CSF1R: variants seen among roughly 807,000 people sequenced by gnomAD.
CSF1R encodes the protein colony stimulating factor 1 receptor.
Under a neutral mutation model 110.0 loss-of-function variants are expected in CSF1R, and 40 were observed. The observed-to-expected ratio is 0.36, with a 90% confidence interval of 0.28 to 0.47. CSF1R has a LOEUF of 0.47. Ranked by LOEUF, CSF1R falls within the 20% of genes least tolerant of loss-of-function variation. The pLI, the probability that CSF1R is intolerant of heterozygous loss-of-function variation, is 0.99. For missense variants in CSF1R, 1,052 were observed against 1,253.0 expected (o/e 0.84, Z 2.42); for synonymous variants, 523 against 503.4 (o/e 1.04, Z -0.52).
At chr5:150,086,668 GA>G, upstream of CSF1R, 1 of 482,996 alleles carries the variant, frequency 2.1e-6, no homozygotes, top group Non-Finnish European at 3.7e-6. Flanking sequence ...ACAAAGCCTT[GA>G]ACCCAAGAGG....
chr5:150,098,020 A>G (rs2113859894), intron 1 of CSF1R, among the ~76,000 whole-genome samples: 1 of 152,342 alleles, frequency 6.6e-6, no homozygotes, highest in Middle Eastern at 3.4e-3. Context: ...GCTATAATAT[A>G]GTACTGGTGA....
At position 150,067,557 on chromosome 5, in the gene CSF1R, C is replaced by G. The variant is rs540748919; in HGVS notation, c.1626+658G>C. Among the ~76,000 whole-genome samples, 20 of 152,114 alleles carry G rather than the reference C, an allele frequency of 1.3e-4. 1 individual carries two copies. The South Asian group carries it at 4.2e-3, about 32-fold the overall frequency. On this transcript the variant is annotated intron_variant, in intron 10 of 20. Coordinates refer to ENST00000675795, the MANE Select transcript of CSF1R (RefSeq NM_001288705.3). Reference sequence around the variant, plus strand: ...CTGTCATATACTGAGCAGACAGTGACAGGAAGCACACTATACGCAACATGC... The same window carrying G: ...CTGTCATATACTGAGCAGACAGTGAGAGGAAGCACACTATACGCAACATGC...
intron 2 of CSF1R, 51 bp downstream of exon 2, chr5:150,080,716 T>C: frequency 6.2e-7 from 1 of 1,606,852 alleles, no homozygotes. Flanking sequence ...GGGCCCATTG[T>C]AGTGGGGCCT....
intron 1 of CSF1R, among the ~76,000 whole-genome samples, chr5:150,101,615 G>A (rs191852692): frequency 3.8e-4 from 57 of 151,776 alleles, no homozygotes; most frequent in Non-Finnish European, 6.0e-4. Context: ...AGAGAGTGGC[G>A]GTGCTGGCAA....
chr5:150,057,258 C>G (rs2113781709), intron 16 of CSF1R, 29 bp downstream of exon 16: 1 of 1,599,796 alleles, frequency 6.3e-7, no homozygotes, highest in Non-Finnish European at 8.6e-7. Context: ...ACCTGGGTGG[C>G]TATGAGCCAG....
chr5:150,100,255 G>A (rs1180084324), intron 1 of CSF1R, among the ~76,000 whole-genome samples: 1 of 140,944 alleles, frequency 7.1e-6, no homozygotes, highest in African/African-American at 2.6e-5. Flanking sequence ...GGGAGGGAAA[G>A]ACAGTTTTAA....
At position 150,068,302 on chromosome 5, in the gene CSF1R, G is replaced by A. The variant is rs1757869197; in HGVS notation, c.1539C>T (p.Phe513=). ...AGGCGACCACCACTGGTGTGAAGAG[G>A]AACTCATCCGGGGGATGCGTGTGGG... ...AGAHTHPPDE[F]LFTPVVVACM... The change falls in exon 10 of 21, where the codon TTC becomes TTT. Residue 513 remains phenylalanine (F), a synonymous_variant. Coordinates refer to ENST00000675795, the MANE Select transcript of CSF1R (RefSeq NM_001288705.3). The A allele has an allele frequency of 6.2e-7, 1 of 1,612,876 alleles. No individual in the cohort carries two copies. Among genetic ancestry groups the A allele is most frequent in the African/African-American group, 1.3e-5 (1 of 74,940 alleles).
At position 150,070,466 on chromosome 5, in the gene CSF1R, G is replaced by A. The variant is rs1757985818; in HGVS notation, c.1188C>T (p.Leu396=). The change falls in exon 7 of 21, where the codon CTC becomes CTT. Residue 396 remains leucine (L), a synonymous_variant. Transcript: ENST00000675795. ...GGCCCCAGCACTCACATCGAAGGGT[G>A]AGCTCAAACGTCAGAGCTCTCCAGC... The part of the protein sequence containing the change: ...PGGWRALTFE[L]TLRYPPEVSV... 1 of 1,555,016 alleles carries A rather than the reference G, an allele frequency of 6.4e-7. No individual in the cohort carries two copies. The highest frequency in any genetic ancestry group is 8.7e-7 in the Non-Finnish European group (1 of 1,150,806).
In CSF1R at chr5:150,086,486, C is replaced by T; in HGVS notation, c.-59G>A. 1.8e-5 allele frequency: 28 copies of T among 1,520,018 alleles called. No individual in the cohort carries two copies. Among genetic ancestry groups the T allele is most frequent in the Non-Finnish European group, 2.5e-5 (28 of 1,107,884 alleles). 94.2% of individuals were successfully genotyped at this position (1,520,018 alleles called of 1,614,324 possible). On this transcript the variant is annotated 5_prime_UTR_variant, in exon 1 of 21. Coordinates refer to ENST00000675795, the MANE Select transcript of CSF1R (RefSeq NM_001288705.3). ...GCTGCAAGGTGCCCAGGGCACAGAG[C>T]TCTCAGCTACTAGCTCCGCAGGGAT...
chr5:150,061,952 C>G, intron 10 of CSF1R, 103 bp from the exon 11 acceptor site: 1 of 1,538,410 alleles, frequency 6.5e-7, no homozygotes, highest in Non-Finnish European at 8.9e-7. Flanking sequence ...CCCAAGGCGC[C>G]CAGTGGGAGA....
chr5:150,094,439 G>A (rs2113855963), intron 1 of CSF1R: 1 of 1,598,088 alleles, frequency 6.3e-7, no homozygotes, highest in East Asian at 2.2e-5. Flanking sequence ...GAAAGGCAAG[G>A]AGGAAGCTTA....
chr5:150,112,578 G>A (rs1045000240), intron 1 of CSF1R, among the ~76,000 whole-genome samples: 2 of 152,238 alleles, frequency 1.3e-5, no homozygotes, highest in Non-Finnish European at 2.9e-5. Context: ...ATCCCTGTCT[G>A]GAATGTGGGC....
In CSF1R at chr5:150,070,285, C is replaced by G. The variant is rs377213618; in HGVS notation, c.1216G>C (p.Val406Leu). Residue 406 changes from valine (V) to leucine (L), a missense_variant, in exon 8 of 21, where the codon GTC becomes CTC. Physicochemically the swap from Val to Leu is conservative, Grantham distance 32 (BLOSUM62 1). Around this residue, in one of 5 missense-constraint regions of CSF1R, gnomAD observed 693 missense variants for 735.4 expected, o/e 0.94. Coordinates refer to ENST00000675795, the MANE Select transcript of CSF1R (RefSeq NM_001288705.3). ...GAGCCGTTGATGAATGTCCATATGA[C>G]GCTTACCTCTGGGGGGTCTGAGGAA... Reference protein sequence around the residue: ...LTLRYPPEVSVIWTFINGSGT... With the variant: ...LTLRYPPEVSLIWTFINGSGT... The G allele has an allele frequency of 1.9e-6, 3 of 1,613,962 alleles. No homozygotes were observed. Among genetic ancestry groups the G allele is most frequent in the African/African-American group, 1.3e-5 (1 of 74,922 alleles).
rs216123 is a variant in CSF1R, at chr5:150,080,990, A to G, written c.84T>C (p.Pro28=). The change falls in exon 2 of 21, where the codon CCT becomes CCC. Residue 28 remains proline (P), a synonymous_variant. Coordinates refer to ENST00000675795, the MANE Select transcript of CSF1R (RefSeq NM_001288705.3). ...TTGCTCCTGGCTTCACGACCAGCTC[A>G]GGGACACTGGGCTCTATCACTGGGA... The part of the protein sequence containing the change: ...QGIPVIEPSV[P]ELVVKPGATV... The G allele has an allele frequency of 0.53, 847,564 of 1,613,380 alleles. 232,598 individuals carry two copies. The highest frequency in any genetic ancestry group is 0.56 in the Non-Finnish European group (662,632 of 1,179,540).
chr5:150,104,686 C>G (rs1759495195), intron 1 of CSF1R, among the ~76,000 whole-genome samples: 1 of 152,212 alleles, frequency 6.6e-6, no homozygotes, highest in Non-Finnish European at 1.5e-5. Context: ...CCCAAGATCA[C>G]ACAGCTGGTG....
intron 1 of CSF1R, among the ~76,000 whole-genome samples, chr5:150,108,969 C>T (rs1759630192): frequency 6.6e-6 from 1 of 152,148 alleles, no homozygotes; most frequent in Middle Eastern, 3.4e-3. Context: ...TCGCCAGACC[C>T]CTACACAGTG....
intron 5 of CSF1R, among the ~76,000 whole-genome samples, chr5:150,075,216 T>A (rs2113819519): frequency 6.6e-6 from 1 of 152,254 alleles, no homozygotes; most frequent in South Asian, 2.1e-4. Context: ...CTCTCAACAA[T>A]CCATCTATCT....
rs78643720 is a variant in CSF1R at position 150,112,412 on chromosome 5, C to T, written c.-181+849G>A. Reference sequence around the variant, plus strand: ...TAGTGGTAGTCAGATTTTTATCAACCTTTGTCTTAGTGTGGCATCTAGCTC... The same window carrying T: ...TAGTGGTAGTCAGATTTTTATCAACTTTTGTCTTAGTGTGGCATCTAGCTC... On this transcript the variant is annotated intron_variant, in intron 1 of 21. Transcript: ENST00000286301. 6.7e-3 allele frequency among the ~76,000 whole-genome samples: 1,013 copies of T among 152,272 alleles called. 7 individuals carry two copies. Among genetic ancestry groups the T allele is most frequent in the African/African-American group, 0.022 (925 of 41,546 alleles).
At chr5:150,094,718 T>C (rs1581343043) in intron 1 of CSF1R, 1 of 1,604,048 alleles carries the variant, frequency 6.2e-7, no homozygotes, top group South Asian at 1.1e-5. Flanking sequence ...TAGAGCCATA[T>C]ATTGCATGGG....
Sources: allele counts gnomAD v4.1 joint callset (sites outside exome capture counted in the v4.1 genomes callset), GRCh38; gene constraint gnomAD v4.1.1; regional missense constraint gnomAD v4.1.1; transcripts MANE v1.5; gene names NCBI Gene and HGNC (gene_info 2026-07-23, HGNC 2026-07-21).